The following ZNF469 variants were observed in gnomAD, a reference collection of about 807,000 sequenced individuals.
ZNF469 encodes zinc finger protein 469.
A neutral mutation model predicts 1.0 loss-of-function variants in ZNF469; 1 was observed. The ratio of observed to expected loss-of-function variants is 1.00; its 90% CI spans 0.35 to 4.73. The LOEUF (loss-of-function observed/expected upper bound fraction) is 4.73, where lower values mean the gene tolerates loss of function less well. Ranked by LOEUF, ZNF469 falls within the 30% of genes most tolerant of loss-of-function variation. The pLI is 0.16. For synonymous variants in ZNF469, 2,703 were observed against 2,363.4 expected (o/e 1.14, Z -4.17); for missense variants, 6,100 against 5,356.3 (o/e 1.14, Z -4.33).
chr16:88,307,842 T>G, the ZNF469 span, among the ~76,000 whole-genome samples: 1 of 152,236 alleles, frequency 6.6e-6, no homozygotes, highest in African/African-American at 2.4e-5. Flanking sequence ...GTTTTAATTT[T>G]GAGAAAGTCC....
In ZNF469 at chr16:88,438,020, C is replaced by A; in HGVS notation, c.10550C>A (p.Pro3517His). 1 of 1,549,912 alleles carries A rather than the reference C, an allele frequency of 6.5e-7. No individual in the cohort carries two copies. Among genetic ancestry groups the A allele is most frequent in the Non-Finnish European group, 8.7e-7 (1 of 1,146,926 alleles). The part of the protein sequence containing the change: ...ALLHLCSEVA[P>H]STTKGWPETL... ...CTCCACCTGTGTTCGGAGGTGGCTC[C>A]CAGCACCACCAAGGGATGGCCCGAG... The change falls in exon 3 of 3, where the codon CCC becomes CAC. Residue 3517 changes from proline to histidine, a missense_variant. Physicochemically the swap from Pro to His is moderately conservative, Grantham distance 77 (BLOSUM62 -2). Transcript: ENST00000565624.
At chr16:88,241,654 G>C in the ZNF469 span, among the ~76,000 whole-genome samples, 1 of 152,160 alleles carries the variant, frequency 6.6e-6, no homozygotes, top group East Asian at 1.9e-4. The surrounding 1 kb of genome is among the most constrained non-coding windows in gnomAD (Gnocchi z 4.8). Flanking sequence ...CACCCATCCC[G>C]ATCACACCAC....
the ZNF469 span, among the ~76,000 whole-genome samples, chr16:88,199,439 G>A: frequency 0.4 from 61,473 of 152,120 alleles, 12,701 homozygotes; most frequent in Admixed American, 0.48. Context: ...CTTCAGGGGT[G>A]GGAGCAGCCA....
the ZNF469 span, among the ~76,000 whole-genome samples, chr16:88,181,363 C>G: frequency 6.6e-6 from 1 of 152,184 alleles, no homozygotes; most frequent in Admixed American, 6.5e-5. Context: ...AGCCACCACT[C>G]CCGGCCAGAA....
At chr16:88,326,759 G>C in the ZNF469 span, among the ~76,000 whole-genome samples, 1 of 152,224 alleles carries the variant, frequency 6.6e-6, no homozygotes, top group Non-Finnish European at 1.5e-5. Context: ...TCCCAGATCA[G>C]AGGGTGACAC....
chr16:88,206,082 G>A, the ZNF469 span, among the ~76,000 whole-genome samples: 1 of 152,182 alleles, frequency 6.6e-6, no homozygotes, highest in South Asian at 2.1e-4. Flanking sequence ...GGGGGGAGCT[G>A]TGCTGACCCC....
At chr16:88,236,325 G>C in the ZNF469 span, among the ~76,000 whole-genome samples, 2 of 152,366 alleles carry the variant, frequency 1.3e-5, no homozygotes, top group Non-Finnish European at 2.9e-5. Flanking sequence ...TCCCTGTCAT[G>C]TGATGTTATA....
the ZNF469 span, among the ~76,000 whole-genome samples, chr16:88,333,271 G>A: frequency 1.3e-5 from 2 of 151,986 alleles, no homozygotes; most frequent in African/African-American, 2.4e-5. Context: ...AGAAGGCTCC[G>A]GACTTGCTGA....
At chr16:88,416,499 G>A (rs1254071442) in intron 1 of ZNF469, among the ~76,000 whole-genome samples, 2 of 152,124 alleles carry the variant, frequency 1.3e-5, no homozygotes, top group Non-Finnish European at 2.9e-5. Flanking sequence ...GTGTGACTTC[G>A]GCAGGATCTC....
the ZNF469 span, among the ~76,000 whole-genome samples, chr16:88,150,713 G>C: frequency 2.8e-4 from 41 of 149,018 alleles, no homozygotes; most frequent in African/African-American, 9.7e-4. Flanking sequence ...GGGCCGATTC[G>C]GGAGCTTTGA....
chr16:88,133,349 G>C, the ZNF469 span, among the ~76,000 whole-genome samples: 4,343 of 150,782 alleles, frequency 0.029, no homozygotes, highest in African/African-American at 0.099. Context: ...CTTTTGCACA[G>C]AGGATTCATC....
the ZNF469 span, among the ~76,000 whole-genome samples, chr16:88,373,455 G>A: frequency 6.6e-6 from 1 of 152,182 alleles, no homozygotes; most frequent in Non-Finnish European, 1.5e-5. Context: ...CGGATGGGGA[G>A]GCCACGCAGA....
At chr16:88,228,002 A>G in the ZNF469 span, among the ~76,000 whole-genome samples, 1 of 152,190 alleles carries the variant, frequency 6.6e-6, no homozygotes, top group African/African-American at 2.4e-5. Context: ...CCATCGTTAC[A>G]GGGCGTTGTT....
the ZNF469 span, among the ~76,000 whole-genome samples, chr16:88,326,410 G>A: frequency 6.6e-6 from 1 of 152,162 alleles, no homozygotes; most frequent in Admixed American, 6.5e-5. Flanking sequence ...TCTTTCTTTT[G>A]TAAGTTGCCC....
the ZNF469 span, among the ~76,000 whole-genome samples, chr16:88,357,857 G>A: frequency 1.3e-5 from 2 of 152,242 alleles, no homozygotes; most frequent in East Asian, 3.8e-4. Flanking sequence ...AGACAAGGGA[G>A]GCCGGAGGGA....
rs142318745 is a variant in ZNF469, at chr16:88,384,189, G to C, written c.-192+935G>C. Among the ~76,000 whole-genome samples the C allele has an allele frequency of 1.4e-4, 22 of 152,352 alleles. No homozygotes were observed. The East Asian group carries it at 4.2e-3, about 29-fold the overall frequency. ...GAGATCCGTGTTAACCCAAGTCTTA[G>C]ATGCAGAAACTGATGGTCAGAGTGG... is the stretch of plus-strand genomic sequence containing the variant. On this transcript the variant is annotated intron_variant, in intron 1 of 2. Coordinates refer to ENST00000565624, the MANE Select transcript of ZNF469 (RefSeq NM_001367624.2).
At chr16:88,258,183 A>T in the ZNF469 span, among the ~76,000 whole-genome samples, 1 of 150,630 alleles carries the variant, frequency 6.6e-6, no homozygotes, top group Admixed American at 6.7e-5. Context: ...GAAACAGAAA[A>T]ATTATGGGAG....
the ZNF469 span, among the ~76,000 whole-genome samples, chr16:88,162,780 T>C: frequency 1.3e-5 from 2 of 152,216 alleles, no homozygotes; most frequent in Non-Finnish European, 2.9e-5. Context: ...TCACTTTCCT[T>C]GCCCTTTATA....
At chr16:88,409,862 TGGCC>T (rs1555517014) in intron 1 of ZNF469, among the ~76,000 whole-genome samples, 1 of 4,532 alleles carries the variant, frequency 2.2e-4, no homozygotes, top group African/African-American at 6.9e-4. Flanking sequence ...GTGGCCATCT[TGGCC>T]GGGGGGGGGG....
Sources: allele counts gnomAD v4.1 joint callset (sites outside exome capture counted in the v4.1 genomes callset), GRCh38; gene constraint gnomAD v4.1.1; non-coding constraint Gnocchi (gnomAD v3.1); transcripts MANE v1.5; gene names NCBI Gene and HGNC (gene_info 2026-07-23, HGNC 2026-07-21).